The following TAFA1 variants were observed in gnomAD, a reference collection of about 807,000 sequenced individuals.
The protein encoded by TAFA1 is chemokine-like protein TAFA-1.
In TAFA1, 4 loss-of-function variants were observed where a neutral mutation model predicts 18.5. The ratio of observed to expected loss-of-function variants is 0.22; its 90% CI spans 0.11 to 0.49. The LOEUF (loss-of-function observed/expected upper bound fraction) is 0.49, where lower values mean the gene tolerates loss of function less well. TAFA1 is among the 20% of genes least tolerant of loss of function. The pLI is 0.98. For synonymous variants in TAFA1, 56 were observed against 55.2 expected, an observed-to-expected ratio of 1.01 and a Z score of -0.06; for missense variants, 147 against 169.0, an observed-to-expected ratio of 0.87 and a Z score of 0.72.
intron 2 of TAFA1, among the ~76,000 whole-genome samples, chr3:68,315,189 A>T (rs2068586776): frequency 6.6e-6 from 1 of 152,156 alleles, no homozygotes; most frequent in African/African-American, 2.4e-5. Context: ...CTGAGCAATT[A>T]GATTTTATGC....
intron 2 of TAFA1, among the ~76,000 whole-genome samples, chr3:68,379,872 C>A (rs1261914902): frequency 6.6e-6 from 1 of 151,796 alleles, no homozygotes; most frequent in African/African-American, 2.4e-5. Flanking sequence ...CCCATTAACT[C>A]CTCATTTAGC....
At chr3:68,149,297 G>C (rs2065778772) in intron 2 of TAFA1, among the ~76,000 whole-genome samples, 1 of 152,122 alleles carries the variant, frequency 6.6e-6, no homozygotes, top group South Asian at 2.1e-4. Context: ...AGTCACTAAG[G>C]CTATCCCATT....
chr3:68,479,241 A>AATATATATATAT (rs397989986), intron 3 of TAFA1, among the ~76,000 whole-genome samples: 1 of 123,666 alleles, frequency 8.1e-6, no homozygotes, highest in East Asian at 2.5e-4. Context: ...AAAAAAAAAA[A>AATATATATATAT]ATATATATAT....
At chr3:68,056,456 A>C (rs1184736537) in intron 2 of TAFA1, among the ~76,000 whole-genome samples, 1 of 152,198 alleles carries the variant, frequency 6.6e-6, no homozygotes, top group East Asian at 1.9e-4. Flanking sequence ...TGGTCACCCA[A>C]GTTTCAACTG....
At chr3:68,003,905 CT>C (rs1704314901), upstream of TAFA1, among the ~76,000 whole-genome samples, 1 of 152,084 alleles carries the variant, frequency 6.6e-6, no homozygotes. Flanking sequence ...TAGTATAAAC[CT>C]GACAATATTT....
At chr3:68,426,664 G>A (rs1405460642) in intron 3 of TAFA1, among the ~76,000 whole-genome samples, 1 of 151,752 alleles carries the variant, frequency 6.6e-6, no homozygotes, top group African/African-American at 2.4e-5. Context: ...GGTGATAAAC[G>A]GCTTACAAAC....
chr3:68,034,880 A>G (rs374288631), intron 2 of TAFA1, among the ~76,000 whole-genome samples: 183 of 152,276 alleles, frequency 1.2e-3, no homozygotes, highest in African/African-American at 4.2e-3. Context: ...CAAACCAGAT[A>G]TATTATCTAT....
intron 2 of TAFA1, among the ~76,000 whole-genome samples, chr3:68,306,838 A>G (rs991068945): frequency 2.0e-5 from 3 of 152,180 alleles, no homozygotes; most frequent in Non-Finnish European, 4.4e-5. Context: ...ACAGCCTCAT[A>G]CCATGTTTCC....
chr3:68,204,095 T>C (rs1379762874), intron 2 of TAFA1, among the ~76,000 whole-genome samples: 3 of 151,682 alleles, frequency 2.0e-5, no homozygotes, highest in African/African-American at 7.2e-5. Flanking sequence ...TGGTATATTG[T>C]GATTCTCTGT....
intron 2 of TAFA1, among the ~76,000 whole-genome samples, chr3:68,397,534 G>A (rs186188710): frequency 2.6e-5 from 4 of 152,220 alleles, no homozygotes; most frequent in African/African-American, 9.6e-5. Context: ...TGGTTTATAT[G>A]TGCCACATTT....
chr3:68,124,303 GC>G (rs766744524), intron 2 of TAFA1, among the ~76,000 whole-genome samples: 2 of 152,152 alleles, frequency 1.3e-5, no homozygotes, highest in Non-Finnish European at 2.9e-5. Flanking sequence ...AGTTGATGCA[GC>G]TTTTTGTCAC....
At chr3:68,483,925 G>A (rs2072285724) in intron 3 of TAFA1, among the ~76,000 whole-genome samples, 1 of 152,150 alleles carries the variant, frequency 6.6e-6, no homozygotes, top group African/African-American at 2.4e-5. Flanking sequence ...TTATGCCTTG[G>A]GAAGCCACGG....
At chr3:68,166,676 A>C (rs1247677565) in intron 2 of TAFA1, among the ~76,000 whole-genome samples, 1 of 152,198 alleles carries the variant, frequency 6.6e-6, no homozygotes, top group Non-Finnish European at 1.5e-5. Flanking sequence ...TGTGAAGCGC[A>C]TAATGGGAGA....
At chr3:68,250,106 G>C (rs115925752) in intron 2 of TAFA1, among the ~76,000 whole-genome samples, 1 of 151,946 alleles carries the variant, frequency 6.6e-6, no homozygotes, top group Non-Finnish European at 1.5e-5. Flanking sequence ...GTAACTATAC[G>C]CTCTCATCAC....
At chr3:68,099,657 A>G (rs565045617) in intron 2 of TAFA1, among the ~76,000 whole-genome samples, 1 of 152,316 alleles carries the variant, frequency 6.6e-6, no homozygotes, top group Admixed American at 6.5e-5. Flanking sequence ...TATAGACCCA[A>G]AGGAAGATAA....
intron 2 of TAFA1, among the ~76,000 whole-genome samples, chr3:68,052,052 A>G (rs974533415): frequency 1.3e-5 from 2 of 152,138 alleles, no homozygotes; most frequent in African/African-American, 4.8e-5. Flanking sequence ...TCTGTCAATG[A>G]AAAGTGTGCA....
chr3:68,040,368 GTC>G (rs1705138101), intron 2 of TAFA1, among the ~76,000 whole-genome samples: 1 of 152,102 alleles, frequency 6.6e-6, no homozygotes, highest in Non-Finnish European at 1.5e-5. Flanking sequence ...AATGAAGTCT[GTC>G]TCTCTGTAAC....
chr3:68,125,966 T>G (rs1295737428), intron 2 of TAFA1, among the ~76,000 whole-genome samples: 2 of 152,190 alleles, frequency 1.3e-5, no homozygotes, highest in Non-Finnish European at 2.9e-5. Flanking sequence ...TGCTTCTCAG[T>G]GGCTCTGTGG....
At chr3:68,111,795 A>G (rs1420390839) in intron 2 of TAFA1, among the ~76,000 whole-genome samples, 1 of 151,468 alleles carries the variant, frequency 6.6e-6, no homozygotes, top group Non-Finnish European at 1.5e-5. Context: ...AGAGAGAGAG[A>G]GAGAGAGAAG....
Sources: allele counts gnomAD v4.1 joint callset (sites outside exome capture counted in the v4.1 genomes callset), GRCh38; gene constraint gnomAD v4.1.1; transcripts MANE v1.5; gene names NCBI Gene and HGNC (gene_info 2026-07-23, HGNC 2026-07-21).